NUBP2: variants seen among roughly 807,000 people sequenced by gnomAD.
The protein encoded by NUBP2 is cytosolic Fe-S cluster assembly factor NUBP2.
Under a neutral mutation model 24.9 loss-of-function variants are expected in NUBP2, and 23 were observed. That is an observed-to-expected ratio of 0.92 (90% CI 0.66 to 1.31). The LOEUF (loss-of-function observed/expected upper bound fraction) is 1.31, where lower values mean the gene tolerates loss of function less well. Ranked by LOEUF, NUBP2 falls within the 50% of genes most tolerant of loss-of-function variation. The pLI is 0.00. For synonymous variants in NUBP2, 186 were observed against 170.9 expected (o/e 1.09, Z -0.69); for missense variants, 403 against 386.5 (o/e 1.04, Z -0.36).
chr16:1,786,378 CTT>C (rs930845931), intron 1 of NUBP2, 157 bp from the exon 2 acceptor site: 1 of 701,468 alleles, frequency 1.4e-6, no homozygotes, highest in Non-Finnish European at 2.4e-6. Flanking sequence ...GCCTGGAGGT[CTT>C]TACATCGGGG....
In NUBP2 at chr16:1,786,440, G is replaced by T. The variant is rs554756749; in HGVS notation, c.17-97G>T. 7 of 1,079,738 alleles carry T rather than the reference G, an allele frequency of 6.5e-6. No individual in the cohort carries two copies. The South Asian group carries it at 8.7e-5, about 13-fold the overall frequency. The allele number at this position is 1,079,738 out of a possible 1,614,324, so 66.9% of individuals were successfully genotyped here. The stretch of plus-strand genomic sequence containing the variant: ...GGGTCTGGCGATTCACCACTGCCCC[G>T]CTCAGAACGTGGGTGCAAGAGGCAG... On this transcript the variant is annotated intron_variant, in intron 1 of 6. Coordinates refer to ENST00000262302, the MANE Select transcript of NUBP2 (RefSeq NM_012225.4).
intron 3 of NUBP2, chr16:1,787,233 G>A (rs1292906582): frequency 6.8e-6 from 3 of 442,492 alleles, no homozygotes; most frequent in Non-Finnish European, 1.2e-5. Flanking sequence ...CAGGTCATAG[G>A]GGCAGAGCTG....
intron 1 of NUBP2, 175 bp downstream of exon 1, chr16:1,783,211 C>T (rs1896804284): frequency 1.0e-5 from 12 of 1,168,582 alleles, no homozygotes; most frequent in Non-Finnish European, 1.3e-5. Context: ...GGGTCGTTTC[C>T]CGCGTGCTCC....
intron 6 of NUBP2, 143 bp downstream of exon 6, chr16:1,788,350 G>A: frequency 9.2e-7 from 1 of 1,083,152 alleles, no homozygotes; most frequent in Non-Finnish European, 1.3e-6. Flanking sequence ...CACACGCCAT[G>A]CCGCTGAGAC....
At position 1,788,998 on chromosome 16, in the gene NUBP2, G is replaced by A. The variant is rs532706970; in HGVS notation, c.*284G>A. The A allele has an allele frequency of 3.0e-5, 13 of 438,512 alleles. No individual in the cohort carries two copies. The highest frequency in any genetic ancestry group is 1.6e-4 in the African/African-American group (8 of 49,846). 27.2% of individuals were successfully genotyped at this position (438,512 alleles called of 1,614,324 possible). ...GCCTACCTGTGCCCCTGGCAGCCGC[G>A]TGTCCACACAGTTAGCGGAGCGCGG... On this transcript the variant is annotated 3_prime_UTR_variant, in exon 7 of 7. Transcript: ENST00000262302.
intron 1 of NUBP2, chr16:1,785,238 C>G: frequency 2.0e-6 from 2 of 1,019,476 alleles, no homozygotes; most frequent in Non-Finnish European, 1.2e-6. Flanking sequence ...CAGGCTCATG[C>G]TGACTGTGCT....
intron 1 of NUBP2, among the ~76,000 whole-genome samples, chr16:1,784,305 C>T (rs144187103): frequency 9.2e-5 from 14 of 152,050 alleles, no homozygotes; most frequent in African/African-American, 3.4e-4. Flanking sequence ...GAGAGTGGTG[C>T]GGAACTCCTC....
intron 6 of NUBP2, 134 bp from the exon 7 acceptor site, chr16:1,788,435 G>T: frequency 7.5e-7 from 1 of 1,341,878 alleles, no homozygotes; most frequent in Non-Finnish European, 9.8e-7. Flanking sequence ...AGGGCCGCGG[G>T]TCTGGAGGTG....
intron 1 of NUBP2, chr16:1,786,223 C>T: frequency 2.5e-6 from 1 of 397,200 alleles, no homozygotes; most frequent in Non-Finnish European, 4.7e-6. Context: ...TGTGTGTTTG[C>T]ACACGCGCAC....
rs1445860483 is a variant in NUBP2, at chr16:1,783,014, C to T, written c.-7C>T. The T allele has an allele frequency of 9.4e-6, 13 of 1,388,786 alleles. No homozygotes were observed. The highest frequency in any genetic ancestry group is 1.1e-5 in the Non-Finnish European group (12 of 1,066,848). The allele number at this position is 1,388,786 out of a possible 1,614,324, so 86.0% of individuals were successfully genotyped here. A position where few individuals can be genotyped will look rare whatever the true frequency, so the allele number is the denominator to read the frequency against. On this transcript the variant is annotated 5_prime_UTR_variant, in exon 1 of 7. Transcript: ENST00000262302. ...GACTGCAGCCGCGAGCTCCTGGAGG[C>T]GGCGGGATGGAGGCGGCGGCCGGTG...
chr16:1,785,302 T>C, intron 1 of NUBP2: 2 of 1,062,174 alleles, frequency 1.9e-6, no homozygotes, highest in Non-Finnish European at 2.3e-6. Context: ...TGAAATGTTC[T>C]TGGGGGAACC....
rs768712861 is a variant in NUBP2, at chr16:1,788,191, C to T, written c.654C>T (p.Ala218=). 1.3e-5 allele frequency: 20 copies of T among 1,504,382 alleles called. No individual in the cohort carries two copies. The highest frequency in any genetic ancestry group is 2.8e-5 in the African/African-American group (2 of 71,134). 93.2% of individuals were successfully genotyped at this position (1,504,382 alleles called of 1,614,324 possible). A position where few individuals can be genotyped will look rare whatever the true frequency, so the allele number is the denominator to read the frequency against. The part of the protein sequence containing the change: ...RGGGEELAQL[A]GVPFLGSVPL... ...GCGGAGAGGAGCTGGCCCAGCTCGC[C>T]GGGGTGCCCTTCTTAGGTGAGTGTC... The change falls in exon 6 of 7, where the codon GCC becomes GCT. Residue 218 remains alanine (A), a synonymous_variant. Transcript: ENST00000262302.
intron 1 of NUBP2, chr16:1,783,993 C>T: frequency 2.0e-6 from 2 of 984,910 alleles, no homozygotes; most frequent in South Asian, 4.7e-5. Context: ...GCGCCTGGCC[C>T]AGTGCTGGAG....
rs936281367 is a variant in NUBP2 at position 1,786,739 on chromosome 16, C to T, written c.136-18C>T. The T allele has an allele frequency of 9.3e-6, 15 of 1,611,220 alleles. No individual in the cohort carries two copies. The highest frequency in any genetic ancestry group is 1.3e-5 in the Non-Finnish European group (15 of 1,178,982). On this transcript the variant is annotated intron_variant, in intron 2 of 6. Coordinates refer to ENST00000262302, the MANE Select transcript of NUBP2 (RefSeq NM_012225.4). ...GGCCTGGCGGTGCCCCCGGCCTAGGCTGTGCCGCTCCTTGCAGGTGGGAAT... is the reference window on the plus strand; with the variant it reads ...GGCCTGGCGGTGCCCCCGGCCTAGGTTGTGCCGCTCCTTGCAGGTGGGAAT...
intron 6 of NUBP2, 137 bp from the exon 7 acceptor site, chr16:1,788,432 C>T (rs937890030): frequency 3.1e-5 from 41 of 1,324,102 alleles, no homozygotes; most frequent in Non-Finnish European, 4.0e-5. Context: ...GGGAGGGCCG[C>T]GGGTCTGGAG....
In NUBP2 at chr16:1,789,002, C is replaced by A; in HGVS notation, c.*288C>A. The A allele has an allele frequency of 2.3e-6, 1 of 433,270 alleles. No individual in the cohort carries two copies. The highest frequency in any genetic ancestry group is 4.1e-6 in the Non-Finnish European group (1 of 241,118). The allele number at this position is 433,270 out of a possible 1,614,324, so 26.8% of individuals were successfully genotyped here. A position where few individuals can be genotyped will look rare whatever the true frequency, so the allele number is the denominator to read the frequency against. On this transcript the variant is annotated 3_prime_UTR_variant, in exon 7 of 7. Transcript: ENST00000262302. The stretch of plus-strand genomic sequence containing the variant: ...ACCTGTGCCCCTGGCAGCCGCGTGT[C>A]CACACAGTTAGCGGAGCGCGGGACT...
intron 6 of NUBP2, 71 bp downstream of exon 6, chr16:1,788,278 C>T (rs989288022): frequency 1.5e-6 from 2 of 1,372,806 alleles, no homozygotes; most frequent in Non-Finnish European, 1.9e-6. Context: ...GTTTGACCTC[C>T]ATGCCCCCAG....
At position 1,786,663 on chromosome 16, in the gene NUBP2, C is replaced by T. The variant is rs754127789; in HGVS notation, c.135+8C>T. 8 of 1,612,454 alleles carry T rather than the reference C, an allele frequency of 5.0e-6. No individual in the cohort carries two copies. In the East Asian group the frequency reaches 6.7e-5, roughly 13 times the overall value. The stretch of plus-strand genomic sequence containing the variant: ...CGCCATGCAGGCAAGAAGGTGAGCG[C>T]CCTACCCCTCACTGGGCGGAGCCCC... On this transcript the variant is annotated splice_region_variant and intron_variant, in intron 2 of 6. Coordinates refer to ENST00000262302, the MANE Select transcript of NUBP2 (RefSeq NM_012225.4).
At chr16:1,787,530 C>T in intron 3 of NUBP2, 147 bp from the exon 4 acceptor site, 1 of 1,086,250 alleles carries the variant, frequency 9.2e-7, no homozygotes, top group Non-Finnish European at 1.3e-6. Context: ...GGGCCAGGGC[C>T]TCCCGAGAGC....
Sources: gnomAD v4.1 joint callset for allele counts (sites outside exome capture counted in the v4.1 genomes callset) on GRCh38, gnomAD v4.1.1 for gene constraint, MANE v1.5 for transcripts, NCBI Gene and HGNC (gene_info 2026-07-23, HGNC 2026-07-21) for gene names.